The following SERINC5 variants were observed in gnomAD, a reference collection of about 807,000 sequenced individuals.
SERINC5 encodes serine incorporator 5.
In SERINC5, 41 loss-of-function variants were observed where a neutral mutation model predicts 63.1. The ratio of observed to expected loss-of-function variants is 0.65; its 90% CI spans 0.51 to 0.84. The LOEUF (loss-of-function observed/expected upper bound fraction) is 0.84. Among genes scored for constraint, SERINC5 ranks in the 40% least tolerant of loss-of-function variants. The pLI, the probability that SERINC5 is intolerant of heterozygous loss-of-function variation, is 0.00. For synonymous variants in SERINC5, 222 were observed against 215.2 expected, an observed-to-expected ratio of 1.03 and a Z score of -0.28; for missense variants, 523 against 573.0, an observed-to-expected ratio of 0.91 and a Z score of 0.89.
chr5:80,245,613 T>TG (rs1210057908), intron 1 of SERINC5, among the ~76,000 whole-genome samples: 1 of 142,350 alleles, frequency 7.0e-6, no homozygotes. Context: ...ATATTTATTT[T>TG]TTTTTATTTT....
intron 11 of SERINC5, among the ~76,000 whole-genome samples, chr5:80,118,955 T>C (rs1049409208): frequency 1.3e-5 from 2 of 152,072 alleles, no homozygotes; most frequent in African/African-American, 4.8e-5. Flanking sequence ...TTTGGGGAGA[T>C]ATAAATATTC....
chr5:80,201,578 T>C (rs1188488061), intron 2 of SERINC5, among the ~76,000 whole-genome samples: 2 of 152,230 alleles, frequency 1.3e-5, no homozygotes, highest in African/African-American at 2.4e-5. Context: ...GCTGACATCT[T>C]AGTCTTTTTT....
chr5:80,236,243 A>T (rs2112577127), intron 1 of SERINC5, among the ~76,000 whole-genome samples: 1 of 152,280 alleles, frequency 6.6e-6, no homozygotes. Flanking sequence ...CCTATAAAAG[A>T]GATCCTAGGG....
intron 11 of SERINC5, among the ~76,000 whole-genome samples, chr5:80,133,246 C>T (rs535794993): frequency 1.3e-5 from 2 of 152,290 alleles, no homozygotes; most frequent in East Asian, 1.9e-4. Context: ...GCCAAATAAA[C>T]CCCTTTTCTC....
chr5:80,196,446 A>C (rs1749504534), intron 2 of SERINC5, among the ~76,000 whole-genome samples: 1 of 152,208 alleles, frequency 6.6e-6, no homozygotes, highest in African/African-American at 2.4e-5. Flanking sequence ...GGAATGGAAA[A>C]TGATGTAGCA....
intron 1 of SERINC5, among the ~76,000 whole-genome samples, chr5:80,253,894 G>A (rs780403838): frequency 1.3e-5 from 2 of 152,140 alleles, no homozygotes; most frequent in Non-Finnish European, 2.9e-5. Flanking sequence ...ACAAGAATTG[G>A]TAACTTCTGA....
intron 1 of SERINC5, among the ~76,000 whole-genome samples, chr5:80,227,344 A>G (rs940859077): frequency 3.2e-4 from 48 of 152,222 alleles, no homozygotes; most frequent in African/African-American, 1.1e-3. Context: ...GAGAAAACTG[A>G]GGTCTCTCCT....
chr5:80,235,979 T>TTA (rs1751670338), intron 1 of SERINC5, among the ~76,000 whole-genome samples: 1 of 152,206 alleles, frequency 6.6e-6, no homozygotes, highest in Non-Finnish European at 1.5e-5. Context: ...TTAGATTATT[T>TTA]TAAAAGTTCA....
chr5:80,164,918 T>TTTG (rs1485409637), intron 7 of SERINC5, among the ~76,000 whole-genome samples: 52 of 137,592 alleles, frequency 3.8e-4, no homozygotes, highest in Non-Finnish European at 6.3e-4. Flanking sequence ...CTGTTTTTTT[T>TTTG]TTTTTTTTTT....
intron 1 of SERINC5, among the ~76,000 whole-genome samples, chr5:80,249,536 C>G (rs554426798): frequency 6.6e-6 from 1 of 152,156 alleles, no homozygotes; most frequent in Non-Finnish European, 1.5e-5. Flanking sequence ...GGCACAGTGG[C>G]TCAGTCCTGT....
At chr5:80,202,240 A>C (rs944998386) in intron 2 of SERINC5, among the ~76,000 whole-genome samples, 39 of 152,000 alleles carry the variant, frequency 2.6e-4, no homozygotes, top group Non-Finnish European at 2.9e-5. Context: ...CTCTGTCTCG[A>C]AAAAAAAGAA....
intron 2 of SERINC5, among the ~76,000 whole-genome samples, chr5:80,180,282 T>TG (rs1748331404): frequency 6.6e-6 from 1 of 152,184 alleles, no homozygotes; most frequent in Admixed American, 6.5e-5. Context: ...ACATCAAAGT[T>TG]GAACACTCTT....
chr5:80,240,017 G>A (rs1751882033), intron 1 of SERINC5, among the ~76,000 whole-genome samples: 1 of 152,140 alleles, frequency 6.6e-6, no homozygotes, highest in South Asian at 2.1e-4. Context: ...GCAAGTCCAA[G>A]GCTTCTGAGC....
downstream of SERINC5, among the ~76,000 whole-genome samples, chr5:80,137,004 A>T (rs1745207223): frequency 6.6e-6 from 1 of 151,752 alleles, no homozygotes; most frequent in South Asian, 2.1e-4. Flanking sequence ...AGGCATTGTG[A>T]CATGCGCCTG....
At chr5:80,187,329 C>T (rs1050153904) in intron 2 of SERINC5, among the ~76,000 whole-genome samples, 2 of 152,046 alleles carry the variant, frequency 1.3e-5, no homozygotes, top group African/African-American at 4.8e-5. Context: ...GTTTAATATC[C>T]CTCACTTGAA....
At chr5:80,222,060 A>T (rs1421316284) in intron 1 of SERINC5, among the ~76,000 whole-genome samples, 2 of 152,072 alleles carry the variant, frequency 1.3e-5, no homozygotes, top group Admixed American at 1.3e-4. Flanking sequence ...GGCAAGGAGA[A>T]TCACTTAAAC....
At chr5:80,176,712 C>T (rs938536688) in intron 4 of SERINC5, among the ~76,000 whole-genome samples, 48 of 152,320 alleles carry the variant, frequency 3.2e-4, no homozygotes, top group African/African-American at 1.2e-3. Flanking sequence ...GCTAGGATTA[C>T]AGGTGTGAGC....
intron 1 of SERINC5, among the ~76,000 whole-genome samples, chr5:80,213,253 G>A (rs4704637): frequency 4.5e-4 from 26 of 58,412 alleles, no homozygotes; most frequent in East Asian, 1.0e-3. Context: ...CTCAAAGAAA[G>A]AAAAAAGAAA....
downstream of SERINC5, among the ~76,000 whole-genome samples, chr5:80,111,389 G>A (rs1283281358): frequency 2.0e-5 from 3 of 152,176 alleles, no homozygotes; most frequent in Non-Finnish European, 4.4e-5. Flanking sequence ...GGCAAAAGAA[G>A]TTAAAAAGAC....
Sources: gnomAD v4.1 joint callset for allele counts (sites outside exome capture counted in the v4.1 genomes callset) on GRCh38, gnomAD v4.1.1 for gene constraint, MANE v1.5 for transcripts, NCBI Gene and HGNC (gene_info 2026-07-23, HGNC 2026-07-21) for gene names.